Variants in SGCZ observed in about 807,000 individuals in gnomAD.
SGCZ encodes the protein sarcoglycan zeta, also known as zeta-sarcoglycan.
Under a neutral mutation model 41.3 loss-of-function variants are expected in SGCZ, and 40 were observed. The observed-to-expected ratio is 0.97, with a 90% confidence interval of 0.75 to 1.26. The LOEUF (loss-of-function observed/expected upper bound fraction) is 1.26. Among genes scored for constraint, SGCZ ranks in the 50% most tolerant of loss-of-function variants. SGCZ has a pLI of 0.00. For synonymous variants in SGCZ, 206 were observed against 137.5 expected, an observed-to-expected ratio of 1.50 and a Z score of -3.49; for missense variants, 552 against 369.8, an observed-to-expected ratio of 1.49 and a Z score of -4.04.
At chr8:14,481,742 A>T (rs1447640842) in intron 2 of SGCZ, among the ~76,000 whole-genome samples, 3 of 152,202 alleles carry the variant, frequency 2.0e-5, no homozygotes, top group African/African-American at 7.2e-5. Context: ...AATTTAAAAA[A>T]TTAAAAACTT....
chr8:14,822,066 T>G (rs1388342634), intron 1 of SGCZ, among the ~76,000 whole-genome samples: 1 of 136,562 alleles, frequency 7.3e-6, no homozygotes, highest in Non-Finnish European at 1.6e-5. Context: ...TAAAAAACCC[T>G]AAAGATTACA....
chr8:14,969,696 C>T (rs906279331), intron 1 of SGCZ, among the ~76,000 whole-genome samples: 1 of 151,974 alleles, frequency 6.6e-6, no homozygotes, highest in Non-Finnish European at 1.5e-5. Context: ...GAGATACATT[C>T]ATGTTGTGTC....
intron 2 of SGCZ, among the ~76,000 whole-genome samples, chr8:14,377,864 AT>A (rs1384978235): frequency 6.6e-6 from 1 of 151,508 alleles, no homozygotes; most frequent in East Asian, 1.9e-4. Flanking sequence ...TGAACTCATC[AT>A]TTTTTATGGC....
At chr8:15,155,094 C>T (rs77161904) in intron 1 of SGCZ, among the ~76,000 whole-genome samples, 29,803 of 151,864 alleles carry the variant, frequency 0.2, 3,487 homozygotes, top group East Asian at 0.47. Context: ...GAGTTCGAGA[C>T]CAGCCTGGGA....
At chr8:14,237,022 G>C (rs922630158) in intron 4 of SGCZ, among the ~76,000 whole-genome samples, 3 of 151,916 alleles carry the variant, frequency 2.0e-5, no homozygotes, top group African/African-American at 7.3e-5. Flanking sequence ...TTATACTCAT[G>C]CAATTTCTAA....
At chr8:14,700,495 C>T (rs184190279) in intron 1 of SGCZ, among the ~76,000 whole-genome samples, 22 of 151,894 alleles carry the variant, frequency 1.4e-4, no homozygotes, top group African/African-American at 5.3e-4. Flanking sequence ...GGTTGAAAAA[C>T]TACCTGCTGA....
chr8:14,734,955 T>A (rs147965301), intron 1 of SGCZ, among the ~76,000 whole-genome samples: 3 of 152,312 alleles, frequency 2.0e-5, no homozygotes, highest in African/African-American at 7.2e-5. Context: ...AATGTTTGAT[T>A]AATAATTGCT....
intron 3 of SGCZ, among the ~76,000 whole-genome samples, chr8:14,305,363 T>C (rs891389707): frequency 6.6e-6 from 1 of 152,152 alleles, no homozygotes; most frequent in Non-Finnish European, 1.5e-5. Context: ...ATGCTTATTT[T>C]AAAACTACGG....
At chr8:14,263,662 C>G (rs950065500) in intron 3 of SGCZ, among the ~76,000 whole-genome samples, 31 of 152,138 alleles carry the variant, frequency 2.0e-4, no homozygotes, top group African/African-American at 7.5e-4. Flanking sequence ...CATCTACCCA[C>G]AGAAACATCA....
intron 1 of SGCZ, among the ~76,000 whole-genome samples, chr8:14,792,943 A>G (rs745697325): frequency 5.9e-5 from 9 of 152,172 alleles, no homozygotes; most frequent in Non-Finnish European, 1.0e-4. Context: ...CACTAAATTT[A>G]TATTTCTAAC....
chr8:14,445,663 C>G (rs1031508054), intron 2 of SGCZ, among the ~76,000 whole-genome samples: 1 of 152,140 alleles, frequency 6.6e-6, no homozygotes, highest in Non-Finnish European at 1.5e-5. Context: ...AACAAGAGCT[C>G]AGGACACATT....
chr8:14,601,369 A>G (rs1805583603), intron 1 of SGCZ, among the ~76,000 whole-genome samples: 1 of 152,208 alleles, frequency 6.6e-6, no homozygotes, highest in Non-Finnish European at 1.5e-5. Context: ...TCAAGAGAGT[A>G]CAGTTTTAGG....
intron 1 of SGCZ, among the ~76,000 whole-genome samples, chr8:14,815,377 G>C (rs1416076744): frequency 7.6e-6 from 1 of 130,730 alleles, no homozygotes; most frequent in Admixed American, 8.0e-5. Context: ...CAAGCAACTT[G>C]TATGATTTTT....
chr8:14,519,610 A>T lies in SGCZ; in HGVS notation c.234+35122T>A, dbSNP rs7819490. Among the ~76,000 whole-genome samples, 449 of 152,248 alleles carry T rather than the reference A, an allele frequency of 2.9e-3. 5 individuals carry two copies. The highest frequency in any genetic ancestry group is 1.0e-2 in the African/African-American group (414 of 41,570). On this transcript the variant is annotated intron_variant, in intron 2 of 7. Transcript: ENST00000382080. ...GTGATGGGTAGTGTGCTAAGAATCA[A>T]TGAAGAATGGAAGAATATTTCCTGG...
chr8:14,483,847 G>A (rs190574720), intron 2 of SGCZ, among the ~76,000 whole-genome samples: 2 of 152,022 alleles, frequency 1.3e-5, no homozygotes, highest in Non-Finnish European at 2.9e-5. Flanking sequence ...CTGAAAATAA[G>A]GTTGTTTTGA....
intron 1 of SGCZ, among the ~76,000 whole-genome samples, chr8:14,821,924 C>T (rs1461160855): frequency 1.3e-5 from 2 of 152,066 alleles, no homozygotes; most frequent in African/African-American, 4.8e-5. Flanking sequence ...GCTAACTTTT[C>T]ACCACTTCTT....
At chr8:14,524,367 C>T (rs780791844) in intron 2 of SGCZ, among the ~76,000 whole-genome samples, 13 of 152,054 alleles carry the variant, frequency 8.5e-5, no homozygotes, top group Admixed American at 2.6e-4. Context: ...GGGGAATCTA[C>T]GTCCACACTA....
At chr8:15,121,014 G>T (rs1267118383) in intron 1 of SGCZ, among the ~76,000 whole-genome samples, 1 of 152,080 alleles carries the variant, frequency 6.6e-6, no homozygotes, top group Non-Finnish European at 1.5e-5. Context: ...TGAACACATT[G>T]GATAAGTGAG....
chr8:14,921,913 C>T lies in SGCZ; in HGVS notation c.39+315672G>A, dbSNP rs190707461. ...TGTTAAGCAATTCGTATGATTTTTA[C>T]ATACCAAGCAACAGTAATCTATGAA... On this transcript the variant is annotated intron_variant, in intron 1 of 7. Transcript: ENST00000382080. Among the ~76,000 whole-genome samples the T allele has an allele frequency of 3.8e-3, 583 of 152,246 alleles. 4 individuals are homozygous for T. Among genetic ancestry groups the T allele is most frequent in the African/African-American group, 0.014 (567 of 41,556 alleles).
Sources: gnomAD v4.1 joint callset for allele counts (sites outside exome capture counted in the v4.1 genomes callset) on GRCh38, gnomAD v4.1.1 for gene constraint, MANE v1.5 for transcripts, NCBI Gene and HGNC (gene_info 2026-07-23, HGNC 2026-07-21) for gene names.